LAMA2: variants seen among roughly 807,000 people sequenced by gnomAD.
LAMA2 encodes laminin subunit alpha 2, also known as laminin subunit alpha-2.
Under a neutral mutation model 364.8 loss-of-function variants are expected in LAMA2, and 269 were observed. That is an observed-to-expected ratio of 0.74 (90% CI 0.67 to 0.82). The LOEUF (loss-of-function observed/expected upper bound fraction) is 0.82. Ranked by LOEUF, LAMA2 falls within the 40% of genes least tolerant of loss-of-function variation. LAMA2 has a pLI of 0.00. For missense variants in LAMA2, 3,807 were observed against 3,873.2 expected, an observed-to-expected ratio of 0.98 and a Z score of 0.45; for synonymous variants, 1,379 against 1,370.6, an observed-to-expected ratio of 1.01 and a Z score of -0.14.
intron 4 of LAMA2, among the ~76,000 whole-genome samples, chr6:129,118,680 T>C (rs1776615158): frequency 6.6e-6 from 1 of 152,256 alleles, no homozygotes; most frequent in Admixed American, 6.5e-5. Flanking sequence ...ACTGTGATCC[T>C]GTCTTTAATA....
chr6:129,346,657 C>T (rs747975419), intron 30 of LAMA2, among the ~76,000 whole-genome samples: 1 of 152,078 alleles, frequency 6.6e-6, no homozygotes, highest in East Asian at 1.9e-4. Flanking sequence ...GAGGGCCCAA[C>T]TCAATGCTAG....
chr6:128,978,355 T>C (rs1199157264), intron 1 of LAMA2, among the ~76,000 whole-genome samples: 19 of 151,022 alleles, frequency 1.3e-4, no homozygotes, highest in Non-Finnish European at 1.0e-4. Flanking sequence ...CTTTCTTTTT[T>C]TTTTTTTTTT....
chr6:129,390,892 C>A (rs1779279667), intron 35 of LAMA2, among the ~76,000 whole-genome samples: 1 of 152,092 alleles, frequency 6.6e-6, no homozygotes, highest in Non-Finnish European at 1.5e-5. Flanking sequence ...TAAACACAGA[C>A]CCTTGTGAAG....
At chr6:129,105,931 C>G (rs72988978) in intron 4 of LAMA2, among the ~76,000 whole-genome samples, 6,202 of 152,224 alleles carry the variant, frequency 0.041, 176 homozygotes, top group South Asian at 0.069. Context: ...TGTCACTAGA[C>G]TGCTAGCTAA....
chr6:129,038,890 T>A (rs146529533), intron 1 of LAMA2, among the ~76,000 whole-genome samples: 14 of 152,302 alleles, frequency 9.2e-5, no homozygotes, highest in Non-Finnish European at 2.1e-4. Flanking sequence ...TTCATATAGG[T>A]TGGCTTTTTC....
chr6:129,498,347 C>G lies in LAMA2; in HGVS notation c.8245-4312C>G, dbSNP rs112220181. Among the ~76,000 whole-genome samples the G allele has an allele frequency of 8.3e-3, 1,267 of 152,316 alleles. 11 individuals are homozygous for G. The highest frequency in any genetic ancestry group is 0.014 in the Non-Finnish European group (943 of 68,030). On this transcript the variant is annotated intron_variant, in intron 58 of 64. Coordinates refer to ENST00000421865, the MANE Select transcript of LAMA2 (RefSeq NM_000426.4). ...CAGCTTTAGTGCTACACCTTTAAGA[C>G]CTAAGTACAGTCAAGGCCAAAGGAT...
intron 34 of LAMA2, 61 bp downstream of exon 34, chr6:129,370,051 T>TA (rs1480360400): frequency 7.4e-7 from 1 of 1,346,156 alleles, no homozygotes; most frequent in Non-Finnish European, 1.1e-6. Flanking sequence ...GAAGGAAAAT[T>TA]ACTTCAAAGT....
At chr6:129,088,099 T>A (rs542996553) in intron 3 of LAMA2, among the ~76,000 whole-genome samples, 1 of 32,530 alleles carries the variant, frequency 3.1e-5, no homozygotes, top group African/African-American at 4.1e-5. Flanking sequence ...TGATGACTCT[T>A]AACGCGCATG....
intron 4 of LAMA2, among the ~76,000 whole-genome samples, chr6:129,141,222 A>G (rs1169747756): frequency 6.6e-6 from 1 of 152,020 alleles, no homozygotes; most frequent in African/African-American, 2.4e-5. Flanking sequence ...TCAGAGGGAA[A>G]TTAGTTTTAA....
intron 24 of LAMA2, among the ~76,000 whole-genome samples, 199 bp from the exon 25 acceptor site, chr6:129,315,277 T>C (rs1001131415): frequency 4.6e-5 from 7 of 152,218 alleles, no homozygotes; most frequent in African/African-American, 1.7e-4. Flanking sequence ...TCCACAGATA[T>C]TGTGGCTTTC....
At chr6:129,372,804 G>A (rs1351235657) in intron 34 of LAMA2, among the ~76,000 whole-genome samples, 2 of 152,106 alleles carry the variant, frequency 1.3e-5, no homozygotes, top group African/African-American at 2.4e-5. Flanking sequence ...ATCCTCAATA[G>A]CATTTGGTGT....
chr6:129,443,619 T>A (rs1782225402), intron 44 of LAMA2, among the ~76,000 whole-genome samples: 1 of 152,160 alleles, frequency 6.6e-6, no homozygotes, highest in Non-Finnish European at 1.5e-5. Context: ...CACTTTTTCC[T>A]CTCCTTGTAA....
chr6:129,112,732 G>GAAA (rs201848617), intron 4 of LAMA2, among the ~76,000 whole-genome samples: 1 of 147,306 alleles, frequency 6.8e-6, no homozygotes, highest in African/African-American at 2.5e-5. Flanking sequence ...GAGAGAGAGA[G>GAAA]AAAAAAAAAA....
intron 10 of LAMA2, among the ~76,000 whole-genome samples, chr6:129,181,071 G>A (rs1780897865): frequency 6.6e-6 from 1 of 152,090 alleles, no homozygotes. Flanking sequence ...CTCTGGGTGG[G>A]TAAAAGTTAC....
At chr6:129,023,836 A>G (rs1370575028) in intron 1 of LAMA2, among the ~76,000 whole-genome samples, 1 of 152,076 alleles carries the variant, frequency 6.6e-6, no homozygotes. Flanking sequence ...TATATATCTG[A>G]TTTTATTTAC....
intron 1 of LAMA2, among the ~76,000 whole-genome samples, chr6:129,022,117 G>C (rs576051578): frequency 1.2e-3 from 180 of 152,282 alleles, no homozygotes; most frequent in Admixed American, 2.0e-3. Flanking sequence ...AAGTGGTTTT[G>C]CCATTGTTGT....
At chr6:129,314,909 T>C in intron 24 of LAMA2, 111 bp downstream of exon 24, 1 of 1,104,506 alleles carries the variant, frequency 9.1e-7, no homozygotes, top group African/African-American at 1.5e-5. Context: ...AAGTAACCTT[T>C]TCCTCTGTGA....
intron 5 of LAMA2, among the ~76,000 whole-genome samples, chr6:129,144,983 C>G (rs1465570163): frequency 6.6e-6 from 1 of 151,942 alleles, no homozygotes; most frequent in East Asian, 1.9e-4. Context: ...CCCACATATG[C>G]TGCTACACAA....
At chr6:128,924,953 A>T (rs977782619) in intron 1 of LAMA2, among the ~76,000 whole-genome samples, 11 of 152,226 alleles carry the variant, frequency 7.2e-5, no homozygotes, top group Non-Finnish European at 1.2e-4. Context: ...TTTCGGTTGT[A>T]AAAAATTCAA....
Sources: allele counts gnomAD v4.1 joint callset (sites outside exome capture counted in the v4.1 genomes callset), GRCh38; gene constraint gnomAD v4.1.1; transcripts MANE v1.5; gene names NCBI Gene and HGNC (gene_info 2026-07-23, HGNC 2026-07-21).